Variants in ITGA11 observed in about 807,000 individuals in gnomAD.
The protein encoded by ITGA11 is integrin subunit alpha 11.
Under a neutral mutation model 141.9 loss-of-function variants are expected in ITGA11, and 97 were observed. That is an observed-to-expected ratio of 0.68 (90% confidence interval 0.58 to 0.81). The LOEUF (loss-of-function observed/expected upper bound fraction) is 0.81, where lower values mean the gene tolerates loss of function less well. Among genes scored for constraint, ITGA11 ranks in the 30% least tolerant of loss-of-function variants. The pLI is 0.00. For synonymous variants in ITGA11, 658 were observed against 624.6 expected (o/e 1.05, Z -0.80); for missense variants, 1,387 against 1,559.2 (o/e 0.89, Z 1.86).
chr15:68,409,850 C>T (rs533667985), intron 1 of ITGA11, among the ~76,000 whole-genome samples: 30 of 152,292 alleles, frequency 2.0e-4, no homozygotes, highest in South Asian at 4.2e-4. Context: ...AGCTAGGAAG[C>T]GGCCAGGATG....
intron 2 of ITGA11, among the ~76,000 whole-genome samples, chr15:68,393,930 G>A (rs73433923): frequency 0.038 from 5,741 of 152,186 alleles, 172 homozygotes; most frequent in African/African-American, 0.085. Context: ...CAGGACAGGG[G>A]ACTGGAATCA....
chr15:68,431,929 G>T, intron 1 of ITGA11, 86 bp downstream of exon 1: 3 of 984,970 alleles, frequency 3.0e-6, no homozygotes, highest in Non-Finnish European at 4.0e-6. Context: ...GGAGGGTCGC[G>T]TCCCGATCCT....
intron 2 of ITGA11, among the ~76,000 whole-genome samples, chr15:68,402,321 C>T (rs1269818159): frequency 6.6e-6 from 1 of 151,868 alleles, no homozygotes; most frequent in Non-Finnish European, 1.5e-5. Context: ...GTGGTGATGG[C>T]CTCACAACAT....
intron 25 of ITGA11, 43 bp from the exon 26 acceptor site, chr15:68,311,123 C>A (rs781049504): frequency 1.3e-6 from 2 of 1,495,256 alleles, no homozygotes; most frequent in South Asian, 2.4e-5. Flanking sequence ...CACAGCCTCA[C>A]AACCAGCTCT....
chr15:68,345,903 C>G (rs1012418848), intron 10 of ITGA11, among the ~76,000 whole-genome samples: 18 of 152,236 alleles, frequency 1.2e-4, no homozygotes, highest in Non-Finnish European at 2.1e-4. Context: ...AAAATAGCCC[C>G]CAGTGCCCGG....
At position 68,303,792 on chromosome 15, in the gene ITGA11, G is replaced by A. The variant is rs767652100; in HGVS notation, c.3475C>T (p.Leu1159=). Reference sequence around the variant, plus strand: ...CTCACCTTCCACAGTGCCAGGACCAGCAGGGCCAGCAGTAGGAGGCCCCCC... The same window carrying A: ...CTCACCTTCCACAGTGCCAGGACCAACAGGGCCAGCAGTAGGAGGCCCCCC... ...TLGGLLLLAL[L]VLALWKLGFF... is the part of the protein sequence containing the mutation. The change falls in exon 29 of 30, where the codon CTG becomes TTG. Residue 1159 remains leucine, a synonymous_variant. Transcript: ENST00000315757. The surrounding 1 kb of genome is among the most constrained non-coding windows in gnomAD (Gnocchi z 5.3). 8.7e-6 allele frequency: 14 copies of A among 1,611,430 alleles called. No homozygotes were observed. The highest frequency in any genetic ancestry group is 6.7e-5 in the African/African-American group (5 of 74,864).
chr15:68,345,652 A>G (rs1215237835), intron 10 of ITGA11, among the ~76,000 whole-genome samples: 1 of 152,242 alleles, frequency 6.6e-6, no homozygotes, highest in Non-Finnish European at 1.5e-5. Context: ...CTCCTTCAGT[A>G]TCTCTTCAGG....
Position 68,325,283 on chromosome 15 carries a change from C to G in ITGA11, c.2212-42G>C. The G allele has an allele frequency of 7.4e-7, 1 of 1,359,626 alleles. No individual in the cohort carries two copies. The highest frequency in any genetic ancestry group is 1.1e-6 in the Non-Finnish European group (1 of 948,632). The allele number at this position is 1,359,626 out of a possible 1,614,324, so 84.2% of individuals were successfully genotyped here. A position where few individuals can be genotyped will look rare whatever the true frequency, so the allele number is the denominator to read the frequency against. Reference sequence around the variant, plus strand: ...AGGGCAGCGGTGAGGGAGGAGAGAACGTCATTTTATGAGCCAGGACCGTGG... The same window carrying G: ...AGGGCAGCGGTGAGGGAGGAGAGAAGGTCATTTTATGAGCCAGGACCGTGG... On this transcript the variant is annotated intron_variant, in intron 17 of 29. Coordinates refer to ENST00000315757, the MANE Select transcript of ITGA11 (RefSeq NM_001004439.2). This position sits in a 1 kb window ranked among gnomAD's most constrained non-coding sequence, Gnocchi z 5.5.
intron 28 of ITGA11, among the ~76,000 whole-genome samples, chr15:68,306,542 G>A (rs1392553251): frequency 6.6e-6 from 1 of 152,208 alleles, no homozygotes; most frequent in Non-Finnish European, 1.5e-5. Flanking sequence ...TTCCCTGTCT[G>A]CCTAATTTAT....
At chr15:68,408,356 A>T (rs1244596411) in intron 1 of ITGA11, among the ~76,000 whole-genome samples, 1 of 152,058 alleles carries the variant, frequency 6.6e-6, no homozygotes, top group East Asian at 1.9e-4. Flanking sequence ...TTCTTCTCAC[A>T]GTTAGTAATT....
In ITGA11 at chr15:68,313,761, C is replaced by G. The variant is rs1422061400; in HGVS notation, c.2882+18G>C. ...CCCCATGCCTTCCCTCTCCTGGGGCCCCCGGAGCCCGGCCCACCTGGTGAA... is the reference window on the plus strand; with the variant it reads ...CCCCATGCCTTCCCTCTCCTGGGGCGCCCGGAGCCCGGCCCACCTGGTGAA... On this transcript the variant is annotated intron_variant, in intron 23 of 29. Coordinates refer to ENST00000315757, the MANE Select transcript of ITGA11 (RefSeq NM_001004439.2). The G allele has an allele frequency of 1.9e-6, 3 of 1,609,476 alleles. No individual in the cohort carries two copies. In the South Asian group the frequency reaches 3.3e-5, roughly 18 times the overall value.
chr15:68,303,077 G>C lies in ITGA11; in HGVS notation c.3549C>G (p.Thr1183=). ...RRRREPGLDP[T]PKVLE is the part of the protein sequence containing the mutation. ...TGGAGCCTCACTCCAGCACTTTGGG[G>C]GTGGGGTCCAGACCAGGCTCCCTCC... The change falls in exon 30 of 30, where the codon ACC becomes ACG. Residue 1183 remains threonine (T), a synonymous_variant. Coordinates refer to ENST00000315757, the MANE Select transcript of ITGA11 (RefSeq NM_001004439.2). The surrounding 1 kb of genome is among the most constrained non-coding windows in gnomAD (Gnocchi z 5.3). 1 of 1,550,166 alleles carries C rather than the reference G, an allele frequency of 6.5e-7. No homozygotes were observed. Among genetic ancestry groups the C allele is most frequent in the Non-Finnish European group, 8.7e-7 (1 of 1,146,854 alleles).
chr15:68,303,030 C>T lies in ITGA11; in HGVS notation c.*29G>A, dbSNP rs1446354380. ...CACTACCTGGACTGGTGTCCTGGCC[C>T]CCATCAACTCAAAGTCTCCTCTGGA... is the stretch of plus-strand genomic sequence containing the variant. On this transcript the variant is annotated 3_prime_UTR_variant, in exon 30 of 30. Transcript: ENST00000315757. This position sits in a 1 kb window ranked among gnomAD's most constrained non-coding sequence, Gnocchi z 5.3. 12 of 1,529,166 alleles carry T rather than the reference C, an allele frequency of 7.8e-6. No homozygotes were observed. Among genetic ancestry groups the T allele is most frequent in the Non-Finnish European group, 1.1e-5 (12 of 1,130,596 alleles). 94.7% of individuals were successfully genotyped at this position (1,529,166 alleles called of 1,614,324 possible).
Position 68,358,549 on chromosome 15 carries a change from TC to T in ITGA11, c.508del (p.Asp170MetfsTer20). 1 of 1,614,074 alleles carries T rather than the reference TC, an allele frequency of 6.2e-7. No homozygotes were observed. The highest frequency in any genetic ancestry group is 8.5e-7 in the Non-Finnish European group (1 of 1,179,978). On this transcript the variant is annotated frameshift_variant, in exon 6 of 30. Coordinates refer to ENST00000315757, the MANE Select transcript of ITGA11 (RefSeq NM_001004439.2). LOFTEE classifies it high-confidence loss of function. Reference sequence around the variant, plus strand: ...CCAGGGGTAGATGCTGTTGGAGCCATCCAGGACAATGACGATGTCCATGTAG... The same window carrying T: ...CCAGGGGTAGATGCTGTTGGAGCCATCAGGACAATGACGATGTCCATGTAG... ...QTYMDIVIVL[D>X]GSNSIYPWVE...
chr15:68,349,976 T>A (rs891998345), intron 9 of ITGA11, among the ~76,000 whole-genome samples: 2 of 152,144 alleles, frequency 1.3e-5, no homozygotes, highest in African/African-American at 4.8e-5. Context: ...CCACACCCAC[T>A]GTATCTTATT....
At chr15:68,402,862 A>T in intron 2 of ITGA11, 56 bp downstream of exon 2, 1 of 1,209,276 alleles carries the variant, frequency 8.3e-7, no homozygotes, top group Non-Finnish European at 1.2e-6. Context: ...GGCAGGATGG[A>T]GGGGGCTGGG....
chr15:68,307,248 G>A lies in ITGA11; in HGVS notation c.3381+100C>T. On this transcript the variant is annotated intron_variant, in intron 28 of 29. Transcript: ENST00000315757. The surrounding 1 kb of genome is among the most constrained non-coding windows in gnomAD (Gnocchi z 6.1). The stretch of plus-strand genomic sequence containing the variant: ...GCCTGATTCTCTCCTGCTGGGACAT[G>A]CAGCCAGGGGTTGTAGGAAAACTCT... 1 of 802,052 alleles carries A rather than the reference G, an allele frequency of 1.2e-6. No homozygotes were observed. Among genetic ancestry groups the A allele is most frequent in the Non-Finnish European group, 2.0e-6 (1 of 497,922 alleles). 49.7% of individuals were successfully genotyped at this position (802,052 alleles called of 1,614,324 possible).
intron 1 of ITGA11, among the ~76,000 whole-genome samples, chr15:68,414,561 G>C (rs1896844481): frequency 6.6e-6 from 1 of 152,206 alleles, no homozygotes; most frequent in Non-Finnish European, 1.5e-5. Context: ...AAATGAGGAA[G>C]TAGGGCCAGG....
At chr15:68,387,792 T>C (rs1408257195) in intron 2 of ITGA11, among the ~76,000 whole-genome samples, 1 of 152,158 alleles carries the variant, frequency 6.6e-6, no homozygotes, top group African/African-American at 2.4e-5. Flanking sequence ...CTTACGATGC[T>C]GCACCCACCT....
Sources: allele counts gnomAD v4.1 joint callset (sites outside exome capture counted in the v4.1 genomes callset), GRCh38; gene constraint gnomAD v4.1.1; non-coding constraint Gnocchi (gnomAD v3.1); transcripts MANE v1.5; gene names NCBI Gene and HGNC (gene_info 2026-07-23, HGNC 2026-07-21).